PCDH15: variants seen among roughly 807,000 people sequenced by gnomAD.
PCDH15 encodes protocadherin related 15.
In PCDH15, 129 loss-of-function variants were observed where a neutral mutation model predicts 178.5. That is an observed-to-expected ratio of 0.72 (90% confidence interval 0.63 to 0.84). PCDH15 has a LOEUF of 0.84. Ranked by LOEUF, PCDH15 falls within the 40% of genes least tolerant of loss-of-function variation. The probability of loss-of-function intolerance (pLI) is 0.00; values close to 1 mark genes in which losing one functional copy is unlikely to be tolerated. For missense variants in PCDH15, 2,230 were observed against 2,099.9 expected (o/e 1.06, Z -1.21); for synonymous variants, 800 against 732.0 (o/e 1.09, Z -1.50).
intron 3 of PCDH15, among the ~76,000 whole-genome samples, chr10:54,384,399 AGTTGTT>A (rs1046816004): frequency 6.6e-6 from 1 of 151,466 alleles, no homozygotes; most frequent in African/African-American, 2.4e-5. Flanking sequence ...AACTGTAGAA[AGTTGTT>A]GTTGTTGTTA....
intron 9 of PCDH15, among the ~76,000 whole-genome samples, chr10:54,232,926 TTTTTTTTTTTTTTTTTTTTAAA>T (rs1273607322): frequency 8.2e-6 from 1 of 121,772 alleles, no homozygotes; most frequent in African/African-American, 4.6e-5. Context: ...CTTTCTTTCT[TTTTTTTTTTTTTTTTTTTTAAA>T]GAGAGTCACC....
chr10:54,171,967 C>T (rs1333874147), intron 13 of PCDH15, among the ~76,000 whole-genome samples: 2 of 151,224 alleles, frequency 1.3e-5, no homozygotes, highest in Admixed American at 6.6e-5. Flanking sequence ...CGCCCATTCT[C>T]TCTCCATACC....
At chr10:53,811,126 AG>A (rs1167139834) in intron 36 of PCDH15, among the ~76,000 whole-genome samples, 3 of 152,158 alleles carry the variant, frequency 2.0e-5, no homozygotes, top group Non-Finnish European at 4.4e-5. Context: ...TATGTGTACA[AG>A]TGACTTTTGA....
intron 18 of PCDH15, among the ~76,000 whole-genome samples, chr10:54,032,025 G>A (rs936181376): frequency 1.2e-4 from 18 of 151,472 alleles, no homozygotes; most frequent in Middle Eastern, 3.4e-3. Flanking sequence ...TTATGTGATG[G>A]TAAAAAAAAT....
At position 55,009,500 on chromosome 10, in the gene PCDH15, T is replaced by G. The variant is rs558627661; in HGVS notation, c.-79-112000A>C. ...CACGAGAGTTGTAGTTAGAGAAAAT[T>G]CATAGAAGCCACCTTCTATTTCACT... On this transcript the variant is annotated intron_variant, in intron 2 of 5. Transcript: ENST00000458638. Among the ~76,000 whole-genome samples the G allele has an allele frequency of 7.2e-5, 11 of 152,262 alleles. No individual in the cohort carries two copies. The South Asian group carries it at 1.9e-3, about 26-fold the overall frequency.
At chr10:54,685,227 G>C (rs1565938613) in intron 1 of PCDH15, among the ~76,000 whole-genome samples, 1 of 151,872 alleles carries the variant, frequency 6.6e-6, no homozygotes, top group Non-Finnish European at 1.5e-5. Context: ...CCTTCTTCTG[G>C]AATATCTCTT....
intron 2 of PCDH15, among the ~76,000 whole-genome samples, chr10:55,404,494 T>C (rs905160229): frequency 1.3e-5 from 2 of 152,036 alleles, no homozygotes; most frequent in Non-Finnish European, 2.9e-5. Context: ...CTTTTTTTCT[T>C]ACAGTTTTAT....
chr10:55,054,791 C>CT (rs1841256027), intron 2 of PCDH15, among the ~76,000 whole-genome samples: 1 of 152,142 alleles, frequency 6.6e-6, no homozygotes, highest in African/African-American at 2.4e-5. Context: ...TTTCCCTATG[C>CT]TTGTTGGCCA....
chr10:55,402,915 G>A (rs1838106233), intron 2 of PCDH15, among the ~76,000 whole-genome samples: 1 of 151,910 alleles, frequency 6.6e-6, no homozygotes, highest in Non-Finnish European at 1.5e-5. Context: ...TTCCATTATG[G>A]TAGTACTGAT....
intron 22 of PCDH15, 141 bp downstream of exon 22, chr10:53,961,611 C>G: frequency 1.5e-5 from 8 of 539,682 alleles, no homozygotes; most frequent in Admixed American, 8.2e-5. Flanking sequence ...TTGTAAGTTT[C>G]TAAGAGAAAA....
intron 2 of PCDH15, among the ~76,000 whole-genome samples, chr10:55,422,212 T>C (rs988143102): frequency 1.3e-5 from 2 of 151,842 alleles, no homozygotes; most frequent in Non-Finnish European, 2.9e-5. Context: ...TTATAGCCTA[T>C]AAAGTAGATA....
chr10:54,583,159 T>C (rs942857779), intron 2 of PCDH15, among the ~76,000 whole-genome samples: 1 of 152,090 alleles, frequency 6.6e-6, no homozygotes, highest in Non-Finnish European at 1.5e-5. Context: ...AAACAGTATA[T>C]AGTTTTTCCT....
intron 3 of PCDH15, among the ~76,000 whole-genome samples, chr10:54,418,712 AAAT>A (rs1172779508): frequency 3.3e-5 from 5 of 151,946 alleles, no homozygotes; most frequent in South Asian, 2.1e-4. Context: ...ACTATTATTA[AAAT>A]AATAATAATT....
In PCDH15 at chr10:54,390,449, C is replaced by T. The variant is rs182487756; in HGVS notation, c.158-11507G>A. Among the ~76,000 whole-genome samples, 8 of 152,208 alleles carry T rather than the reference C, an allele frequency of 5.3e-5. No homozygotes were observed. The South Asian group carries it at 6.2e-4, about 12-fold the overall frequency. The stretch of plus-strand genomic sequence containing the variant: ...CTGGGACTACAGCTGCCCACCACCA[C>T]GCCCGGCTAATTTTTTTGTATGTTT... On this transcript the variant is annotated intron_variant, in intron 3 of 37. Coordinates refer to ENST00000644397, the MANE Select transcript of PCDH15 (RefSeq NM_001384140.1).
chr10:54,675,949 T>A (rs1435692671), intron 1 of PCDH15, among the ~76,000 whole-genome samples: 1 of 152,184 alleles, frequency 6.6e-6, no homozygotes, highest in Non-Finnish European at 1.5e-5. Flanking sequence ...TTGTCAAATC[T>A]GTATTATATA....
chr10:54,529,526 A>G (rs1025759137), intron 2 of PCDH15, among the ~76,000 whole-genome samples: 5 of 152,150 alleles, frequency 3.3e-5, no homozygotes, highest in Non-Finnish European at 5.9e-5. Context: ...TCAGAAGAAC[A>G]AAGTTTCTTC....
intron 2 of PCDH15, among the ~76,000 whole-genome samples, chr10:55,543,610 A>G (rs2032152116): frequency 6.6e-6 from 1 of 151,582 alleles, no homozygotes; most frequent in African/African-American, 2.4e-5. Flanking sequence ...TATAAGGAGA[A>G]GAGCTAGAAT....
intron 2 of PCDH15, among the ~76,000 whole-genome samples, chr10:55,023,813 A>C (rs1391708510): frequency 6.6e-6 from 1 of 150,688 alleles, no homozygotes; most frequent in Non-Finnish European, 1.5e-5. Context: ...ATATTCTTTC[A>C]TATATATATA....
At chr10:53,872,650 C>T (rs1460791334) in intron 26 of PCDH15, among the ~76,000 whole-genome samples, 1 of 152,156 alleles carries the variant, frequency 6.6e-6, no homozygotes, top group Non-Finnish European at 1.5e-5. Context: ...ACTAGTGTTA[C>T]TGTAAGTCCA....
Sources: allele counts gnomAD v4.1 joint callset (sites outside exome capture counted in the v4.1 genomes callset), GRCh38; gene constraint gnomAD v4.1.1; transcripts MANE v1.5; gene names NCBI Gene and HGNC (gene_info 2026-07-23, HGNC 2026-07-21).